CSNK1G2: variants seen among roughly 807,000 people sequenced by gnomAD.
The protein encoded by CSNK1G2 is casein kinase 1 gamma 2.
A neutral mutation model predicts 48.0 loss-of-function variants in CSNK1G2; 11 were observed. The ratio of observed to expected loss-of-function variants is 0.23; its 90% CI spans 0.14 to 0.38. CSNK1G2 has a LOEUF of 0.38. Ranked by LOEUF, CSNK1G2 falls within the 10% of genes least tolerant of loss-of-function variation. The pLI is 1.00. For synonymous variants in CSNK1G2, 337 were observed against 254.1 expected (o/e 1.33, Z -3.10); for missense variants, 446 against 595.5 (o/e 0.75, Z 2.61).
intron 1 of CSNK1G2, among the ~76,000 whole-genome samples, chr19:1,946,301 A>T (rs867344173): frequency 4.2e-4 from 31 of 72,966 alleles, no homozygotes; most frequent in East Asian, 9.6e-4. Flanking sequence ...TTATTTATTT[A>T]TTTTTTTTAA....
At chr19:1,964,586 C>A (rs1025023299) in intron 1 of CSNK1G2, among the ~76,000 whole-genome samples, 50 of 152,184 alleles carry the variant, frequency 3.3e-4, no homozygotes, top group African/African-American at 1.2e-3. Context: ...ATCCTAGGGC[C>A]CACGAGAATT....
Position 1,978,907 on chromosome 19 carries a change from G to A in CSNK1G2, c.496G>A (p.Val166Met), listed in dbSNP as rs2015864089. The change falls in exon 6 of 12, where the codon GTG (valine) becomes ATG (methionine). Residue 166 changes from valine to methionine, a missense_variant. Val to Met is a conservative substitution (Grantham distance 21, BLOSUM62 1). Around this residue, in one of 2 missense-constraint regions of CSNK1G2, gnomAD observed 258 missense variants for 415.9 expected, o/e 0.62. Coordinates refer to ENST00000255641, the MANE Select transcript of CSNK1G2 (RefSeq NM_001319.7). The surrounding 1 kb of genome is among the most constrained non-coding windows in gnomAD (Gnocchi z 7.3). ...CACCAAGAGCCTAATCTACCGGGAC[G>A]TGAAGCCCGAGAACTTCCTGGTGGG... Reference protein sequence around the residue: ...VHTKSLIYRDVKPENFLVGRP... With the variant: ...VHTKSLIYRDMKPENFLVGRP... The A allele has an allele frequency of 1.9e-6, 3 of 1,602,952 alleles. No individual in the cohort carries two copies. Among genetic ancestry groups the A allele is most frequent in the Non-Finnish European group, 2.5e-6 (3 of 1,179,614 alleles).
In CSNK1G2 at chr19:1,979,654, G is replaced by C; in HGVS notation, c.1002+11G>C. ...GCCGGGAAGCCCCTGGTAGGTGGGG[G>C]GGTGCCGGTATGTGGGAGCGGGGGA... is the stretch of plus-strand genomic sequence containing the variant. On this transcript the variant is annotated intron_variant, in intron 9 of 11. Coordinates refer to ENST00000255641, the MANE Select transcript of CSNK1G2 (RefSeq NM_001319.7). The C allele has an allele frequency of 6.2e-7, 1 of 1,602,308 alleles. No individual in the cohort carries two copies. Among genetic ancestry groups the C allele is most frequent in the Non-Finnish European group, 8.5e-7 (1 of 1,179,764 alleles).
At chr19:1,967,668 T>C (rs1182102306) in intron 1 of CSNK1G2, among the ~76,000 whole-genome samples, 1 of 109,690 alleles carries the variant, frequency 9.1e-6, no homozygotes, top group East Asian at 2.9e-4. Context: ...GTTCTGCAGG[T>C]GGGGCTCCTC....
chr19:1,977,175 G>A (rs1025927180), intron 2 of CSNK1G2, among the ~76,000 whole-genome samples: 25 of 152,318 alleles, frequency 1.6e-4, no homozygotes, highest in Non-Finnish European at 3.4e-4. Context: ...GGGACAGGTC[G>A]CCCAGCAGAT....
rs996474969 is a variant in CSNK1G2 at position 1,950,689 on chromosome 19, G to A, written c.-266+9271G>A. On this transcript the variant is annotated intron_variant, in intron 1 of 11. Coordinates refer to ENST00000255641, the MANE Select transcript of CSNK1G2 (RefSeq NM_001319.7). Reference sequence around the variant, plus strand: ...GCTGGCCCGGCCTAAATCTGCTGCCGCCCACCGAACACCAAGGCACCTTCT... The same window carrying A: ...GCTGGCCCGGCCTAAATCTGCTGCCACCCACCGAACACCAAGGCACCTTCT... Among the ~76,000 whole-genome samples the A allele has an allele frequency of 8.3e-5, 12 of 145,406 alleles. 2 individuals are homozygous for A. Among genetic ancestry groups the A allele is most frequent in the Admixed American group, 5.5e-4 (8 of 14,550 alleles).
rs538810522 is a variant in CSNK1G2 at position 1,941,653 on chromosome 19, C to T, written c.-266+235C>T. On this transcript the variant is annotated intron_variant, in intron 1 of 11. Transcript: ENST00000255641. ...CCCCGTTGACCCTGCACTCGGGACC[C>T]CAGCGTCCCCCACCGCCCTAACCCG... Among the ~76,000 whole-genome samples, 11 of 150,106 alleles carry T rather than the reference C, an allele frequency of 7.3e-5. No individual in the cohort carries two copies. The East Asian group carries it at 2.2e-3, about 30-fold the overall frequency.
chr19:1,960,596 TCTA>T (rs1299246871), intron 1 of CSNK1G2, among the ~76,000 whole-genome samples: 3 of 152,092 alleles, frequency 2.0e-5, no homozygotes, highest in Non-Finnish European at 4.4e-5. Flanking sequence ...GGCTGGAAAA[TCTA>T]ATAGTAGTCA....
At chr19:1,962,681 C>T (rs905215395) in intron 1 of CSNK1G2, among the ~76,000 whole-genome samples, 2 of 152,066 alleles carry the variant, frequency 1.3e-5, no homozygotes, top group African/African-American at 4.8e-5. Context: ...CACAAAAGCT[C>T]ACAGAAGCGC....
chr19:1,960,794 T>G (rs1162903284), intron 1 of CSNK1G2, among the ~76,000 whole-genome samples: 1 of 151,918 alleles, frequency 6.6e-6, no homozygotes, highest in Admixed American at 6.6e-5. Flanking sequence ...GAGGCCGAGG[T>G]AGGACAATCA....
At chr19:1,952,963 C>A (rs535541050) in intron 1 of CSNK1G2, 2 of 435,824 alleles carry the variant, frequency 4.6e-6, no homozygotes, top group South Asian at 1.8e-5. Flanking sequence ...GGCTCCCACA[C>A]GATGAGGGGA....
chr19:1,947,114 T>G (rs769842849), intron 1 of CSNK1G2, among the ~76,000 whole-genome samples: 10 of 152,320 alleles, frequency 6.6e-5, no homozygotes, highest in Non-Finnish European at 1.0e-4. Flanking sequence ...CCAGCGGTGT[T>G]TCGTTGATGC....
chr19:1,963,379 T>G (rs909683243), intron 1 of CSNK1G2, among the ~76,000 whole-genome samples: 1 of 148,436 alleles, frequency 6.7e-6, no homozygotes, highest in South Asian at 2.1e-4. Context: ...GCCTGGCTAA[T>G]TTTTTTGTAT....
At chr19:1,979,425 G>A (rs1316397595) in intron 8 of CSNK1G2, 22 bp downstream of exon 8, 13 of 1,341,834 alleles carry the variant, frequency 9.7e-6, no homozygotes, top group South Asian at 3.8e-5. Context: ...CTGCGCCCCC[G>A]CCCTGTGCCC....
At chr19:1,947,000 T>G (rs1344754389) in intron 1 of CSNK1G2, among the ~76,000 whole-genome samples, 1 of 151,754 alleles carries the variant, frequency 6.6e-6, no homozygotes, top group Non-Finnish European at 1.5e-5. Context: ...GTGATCCACC[T>G]GCTTCAGCCT....
intron 1 of CSNK1G2, among the ~76,000 whole-genome samples, chr19:1,965,250 G>T (rs898706956): frequency 6.6e-6 from 1 of 150,644 alleles, no homozygotes; most frequent in African/African-American, 2.4e-5. Flanking sequence ...GGCCGTGGTG[G>T]CGGGCGCCTT....
chr19:1,942,262 C>A (rs1318646719), intron 1 of CSNK1G2, among the ~76,000 whole-genome samples: 1 of 152,212 alleles, frequency 6.6e-6, no homozygotes, highest in South Asian at 2.1e-4. Flanking sequence ...CCGCCTGGCT[C>A]CTCTCTCCCA....
At position 1,952,806 on chromosome 19, in the gene CSNK1G2, C is replaced by A. The variant is rs116465395; in HGVS notation, c.-266+11388C>A. ...GGGCAGCTCCCCAGGACCAAGCCCT[C>A]TCGCCTAGGGCTCCCCGGGGAGTTA... On this transcript the variant is annotated intron_variant, in intron 1 of 11. Transcript: ENST00000255641. The A allele has an allele frequency of 6.3e-3, 2,045 of 326,508 alleles. 44 individuals are homozygous for A. Among genetic ancestry groups the A allele is most frequent in the African/African-American group, 0.044 (1,916 of 43,138 alleles). 20.2% of individuals were successfully genotyped at this position (326,508 alleles called of 1,614,324 possible). A position where few individuals can be genotyped will look rare whatever the true frequency, so the allele number is the denominator to read the frequency against.
intron 1 of CSNK1G2, among the ~76,000 whole-genome samples, chr19:1,965,409 C>T (rs1599311795): frequency 6.6e-6 from 1 of 151,762 alleles, no homozygotes; most frequent in Non-Finnish European, 1.5e-5. Context: ...ATCATTGTTT[C>T]CATCCCTGCT....
Sources: gnomAD v4.1 joint callset for allele counts (sites outside exome capture counted in the v4.1 genomes callset) on GRCh38, gnomAD v4.1.1 for gene constraint, gnomAD v4.1.1 regional missense constraint, Gnocchi (gnomAD v3.1) non-coding constraint, MANE v1.5 for transcripts, NCBI Gene and HGNC (gene_info 2026-07-23, HGNC 2026-07-21) for gene names.